Variants in RBMS3 observed in about 807,000 individuals in gnomAD.
RBMS3 encodes RNA binding motif single stranded interacting protein 3.
A neutral mutation model predicts 66.8 loss-of-function variants in RBMS3; 27 were observed. The ratio of observed to expected loss-of-function variants is 0.40; its 90% CI spans 0.30 to 0.56. The LOEUF is 0.56. RBMS3 is among the 20% of genes least tolerant of loss of function. RBMS3 has a pLI of 0.40. For synonymous variants in RBMS3, 188 were observed against 183.0 expected (o/e 1.03, Z -0.22); for missense variants, 513 against 549.5 (o/e 0.93, Z 0.66).
At chr3:29,894,046 G>A (rs2060064798) in intron 8 of RBMS3, among the ~76,000 whole-genome samples, 1 of 151,504 alleles carries the variant, frequency 6.6e-6, no homozygotes, top group African/African-American at 2.4e-5. Flanking sequence ...TAAATACATT[G>A]TATTCGTCAG....
At chr3:29,527,680 G>T (rs2045183625) in intron 3 of RBMS3, among the ~76,000 whole-genome samples, 1 of 152,170 alleles carries the variant, frequency 6.6e-6, no homozygotes, top group Non-Finnish European at 1.5e-5. Flanking sequence ...ATGTAGGAAT[G>T]CTTCCTGATT....
intron 1 of RBMS3, among the ~76,000 whole-genome samples, chr3:29,405,137 G>A (rs1484620613): frequency 6.6e-6 from 1 of 152,060 alleles, no homozygotes; most frequent in African/African-American, 2.4e-5. Context: ...ATTTTAAAAA[G>A]TTCTTCTCAA....
chr3:29,451,654 C>G (rs2042021563), intron 2 of RBMS3, among the ~76,000 whole-genome samples: 1 of 151,928 alleles, frequency 6.6e-6, no homozygotes, highest in Non-Finnish European at 1.5e-5. Context: ...TTGCACAAAA[C>G]CACTGGGGAA....
chr3:29,664,018 A>G (rs2050658954), intron 4 of RBMS3, among the ~76,000 whole-genome samples: 1 of 152,126 alleles, frequency 6.6e-6, no homozygotes, highest in African/African-American at 2.4e-5. Flanking sequence ...GAATACTATC[A>G]TTGAATTGAT....
chr3:29,363,810 A>C (rs915629902), intron 1 of RBMS3, among the ~76,000 whole-genome samples: 42 of 152,126 alleles, frequency 2.8e-4, no homozygotes, highest in African/African-American at 7.5e-4. Context: ...AAAAAAAAAA[A>C]AAAAACCTGT....
intron 8 of RBMS3, among the ~76,000 whole-genome samples, chr3:29,888,830 T>C (rs566754982): frequency 1.3e-5 from 2 of 151,734 alleles, no homozygotes; most frequent in South Asian, 4.1e-4. Context: ...ATAAAACTAG[T>C]CATTAAGATG....
intron 6 of RBMS3, among the ~76,000 whole-genome samples, chr3:29,834,813 T>C (rs910066426): frequency 1.3e-5 from 2 of 151,968 alleles, no homozygotes; most frequent in Admixed American, 1.3e-4. Flanking sequence ...GTAACTGAAT[T>C]AAAATTTCCA....
chr3:29,858,906 G>A (rs1272683521), intron 6 of RBMS3, among the ~76,000 whole-genome samples: 4 of 152,108 alleles, frequency 2.6e-5, no homozygotes, highest in African/African-American at 9.7e-5. Flanking sequence ...TTTCCTCTAT[G>A]TTGTTTCTAG....
intron 3 of RBMS3, among the ~76,000 whole-genome samples, chr3:29,558,171 A>T (rs532188289): frequency 6.6e-6 from 1 of 152,304 alleles, no homozygotes; most frequent in South Asian, 2.1e-4. Context: ...ACATCCCATA[A>T]CGGCACATAG....
At chr3:29,836,818 T>C (rs1051900323) in intron 6 of RBMS3, among the ~76,000 whole-genome samples, 4 of 151,424 alleles carry the variant, frequency 2.6e-5, no homozygotes, top group Admixed American at 6.6e-5. Flanking sequence ...AACATCACAT[T>C]GTACACCTTA....
rs1258302698 is a variant in RBMS3, at chr3:29,697,195, A to G, written c.400-42525A>G. 9 of 735,500 alleles carry G rather than the reference A, an allele frequency of 1.2e-5. No individual in the cohort carries two copies. The East Asian group carries it at 1.2e-3, about 97-fold the overall frequency. 45.6% of individuals were successfully genotyped at this position (735,500 alleles called of 1,614,324 possible). On this transcript the variant is annotated intron_variant, in intron 4 of 14. Transcript: ENST00000383767. ...TTTAATGGAATCTTCCTGAACATAT[A>G]TTCTTAATGATACAATTGGTTTATA...
intron 1 of RBMS3, among the ~76,000 whole-genome samples, chr3:29,302,102 T>A (rs2033713989): frequency 6.6e-6 from 1 of 152,000 alleles, no homozygotes; most frequent in Non-Finnish European, 1.5e-5. Flanking sequence ...CTTGAGCTTC[T>A]GGGTTCAAGT....
intron 3 of RBMS3, among the ~76,000 whole-genome samples, chr3:29,557,615 G>A (rs1026378791): frequency 6.6e-6 from 1 of 152,142 alleles, no homozygotes; most frequent in Non-Finnish European, 1.5e-5. Flanking sequence ...TCACACAAAG[G>A]GACTGACACT....
rs376686366 is a variant in RBMS3, at chr3:29,965,442, G to C, written c.1098+21188G>C. On this transcript the variant is annotated intron_variant, in intron 12 of 14. Coordinates refer to ENST00000383767, the MANE Select transcript of RBMS3 (RefSeq NM_001003793.3). ...ATTCTTGCAAGAGTAAGGTGGTATC[G>C]CATTGTGGTTTTGATTTGCATTTCC... Among the ~76,000 whole-genome samples the C allele has an allele frequency of 6.6e-5, 10 of 151,894 alleles. No individual in the cohort carries two copies. The East Asian group carries it at 1.7e-3, about 26-fold the overall frequency.
At chr3:29,403,690 A>G (rs2125670995) in intron 1 of RBMS3, among the ~76,000 whole-genome samples, 1 of 152,226 alleles carries the variant, frequency 6.6e-6, no homozygotes, top group South Asian at 2.1e-4. Context: ...GGAGAAAAAA[A>G]ACAATAATTA....
chr3:29,392,090 A>G (rs2039325711), intron 1 of RBMS3, among the ~76,000 whole-genome samples: 1 of 152,094 alleles, frequency 6.6e-6, no homozygotes, highest in African/African-American at 2.4e-5. Flanking sequence ...TCTCTGCTAA[A>G]AATACAAAAC....
intron 2 of RBMS3, among the ~76,000 whole-genome samples, chr3:29,487,701 T>A (rs755784590): frequency 9.9e-5 from 15 of 152,184 alleles, no homozygotes; most frequent in Non-Finnish European, 1.8e-4. Flanking sequence ...ACAAAAAGCC[T>A]ATAAAGAAGA....
At chr3:29,638,917 A>AT in intron 4 of RBMS3, among the ~76,000 whole-genome samples, 1 of 151,838 alleles carries the variant, frequency 6.6e-6, no homozygotes, top group East Asian at 1.9e-4. Flanking sequence ...TTAAGACTAC[A>AT]TTTTTTATTT....
intron 4 of RBMS3, among the ~76,000 whole-genome samples, chr3:29,666,588 G>C (rs1310250262): frequency 1.3e-5 from 2 of 151,720 alleles, no homozygotes; most frequent in Non-Finnish European, 2.9e-5. Flanking sequence ...TACTTGAATG[G>C]AGGGAATGGC....
Sources: allele counts gnomAD v4.1 joint callset (sites outside exome capture counted in the v4.1 genomes callset), GRCh38; gene constraint gnomAD v4.1.1; transcripts MANE v1.5; gene names NCBI Gene and HGNC (gene_info 2026-07-23, HGNC 2026-07-21).